Variants in CADM1 observed in about 807,000 individuals in gnomAD.
CADM1 encodes the protein TSLC-1.
A neutral mutation model predicts 53.1 loss-of-function variants in CADM1; 15 were observed. The observed-to-expected ratio is 0.28, with a 90% CI of 0.19 to 0.44. The LOEUF is 0.44. Among genes scored for constraint, CADM1 ranks in the 20% least tolerant of loss-of-function variants. CADM1 has a pLI of 1.00. For missense variants in CADM1, 434 were observed against 611.3 expected (o/e 0.71, Z 3.06); for synonymous variants, 281 against 243.0 (o/e 1.16, Z -1.45).
At chr11:115,201,755 A>G (rs1940439909) in intron 8 of CADM1, among the ~76,000 whole-genome samples, 1 of 152,216 alleles carries the variant, frequency 6.6e-6, no homozygotes, top group African/African-American at 2.4e-5. Flanking sequence ...AAAACAGGTC[A>G]CAAAAAATTG....
At chr11:115,253,505 AATTTAATTGAAT>A (rs1942674885) in intron 1 of CADM1, among the ~76,000 whole-genome samples, 1 of 152,186 alleles carries the variant, frequency 6.6e-6, no homozygotes. Context: ...GCACAGACAA[AATTTAATTGAAT>A]AATAATATTT....
At chr11:115,479,697 G>T (rs1228007353) in intron 1 of CADM1, among the ~76,000 whole-genome samples, 1 of 152,070 alleles carries the variant, frequency 6.6e-6, no homozygotes, top group African/African-American at 2.4e-5. Flanking sequence ...GGAAACAAAG[G>T]GGAAAAATGT....
Position 115,383,677 on chromosome 11 carries a change from T to G in CADM1, c.124+120594A>C, listed in dbSNP as rs150988931. 5.1e-3 allele frequency among the ~76,000 whole-genome samples: 779 copies of G among 152,250 alleles called. 7 individuals are homozygous for G. Among genetic ancestry groups the G allele is most frequent in the African/African-American group, 0.018 (749 of 41,546 alleles). ...TTATCTTTTCCCCCCATGACTTGCT[T>G]AGAAAATATGCACAGTGCAAAAAAG... On this transcript the variant is annotated intron_variant, in intron 1 of 11. Coordinates refer to ENST00000331581, the MANE Select transcript of CADM1 (RefSeq NM_001301043.2).
At chr11:115,424,932 G>A (rs988704337) in intron 1 of CADM1, among the ~76,000 whole-genome samples, 2 of 152,118 alleles carry the variant, frequency 1.3e-5, no homozygotes, top group Non-Finnish European at 2.9e-5. Context: ...TCAGTATATA[G>A]TATAAAATAT....
intron 1 of CADM1, among the ~76,000 whole-genome samples, chr11:115,368,357 C>A (rs1324683436): frequency 6.6e-6 from 1 of 151,976 alleles, no homozygotes; most frequent in Non-Finnish European, 1.5e-5. Context: ...CAACACTTGT[C>A]GTTGTGAGGT....
intron 1 of CADM1, among the ~76,000 whole-genome samples, chr11:115,267,654 C>T (rs1187737639): frequency 1.3e-5 from 2 of 150,632 alleles, no homozygotes; most frequent in African/African-American, 2.4e-5. Context: ...CTGGCTACTA[C>T]ACAAACTAAC....
At chr11:115,325,000 A>C (rs12291625) in intron 1 of CADM1, among the ~76,000 whole-genome samples, 25,617 of 152,158 alleles carry the variant, frequency 0.17, 2,741 homozygotes, top group African/African-American at 0.29. Context: ...AACAGTATGA[A>C]CAGCTTCACT....
intron 1 of CADM1, among the ~76,000 whole-genome samples, chr11:115,322,531 A>G (rs1944850813): frequency 6.6e-6 from 1 of 152,194 alleles, no homozygotes; most frequent in Non-Finnish European, 1.5e-5. Flanking sequence ...TCTTCATCCC[A>G]AAAAGAAACT....
At chr11:115,307,682 G>A (rs778229075) in intron 1 of CADM1, among the ~76,000 whole-genome samples, 1 of 151,802 alleles carries the variant, frequency 6.6e-6, no homozygotes, top group Admixed American at 6.6e-5. Context: ...TATGTAAGGT[G>A]AGACTTTAAA....
chr11:115,219,475 G>A (rs1280964335), intron 5 of CADM1, among the ~76,000 whole-genome samples: 3 of 152,156 alleles, frequency 2.0e-5, no homozygotes, highest in Admixed American at 2.0e-4. Flanking sequence ...TGCTTTCTGA[G>A]AAGCTAAGTC....
At position 115,321,566 on chromosome 11, in the gene CADM1, A is replaced by T. The variant is rs181957669; in HGVS notation, c.125-81146T>A. Among the ~76,000 whole-genome samples the T allele has an allele frequency of 2.0e-5, 3 of 152,300 alleles. No homozygotes were observed. The East Asian group carries it at 5.8e-4, about 29-fold the overall frequency. On this transcript the variant is annotated intron_variant, in intron 1 of 11. Transcript: ENST00000331581. Reference sequence around the variant, plus strand: ...ACTAGGGTAATAAAAATCTTCATATACTTTATTTGCAAATATTGGAAAGTA... The same window carrying T: ...ACTAGGGTAATAAAAATCTTCATATTCTTTATTTGCAAATATTGGAAAGTA...
intron 1 of CADM1, among the ~76,000 whole-genome samples, chr11:115,295,550 A>ATATATATT (rs371584699): frequency 1.2e-3 from 63 of 52,970 alleles, no homozygotes; most frequent in Non-Finnish European, 1.5e-3. Context: ...ATATATATAT[A>ATATATATT]ATATATATGT....
intron 1 of CADM1, among the ~76,000 whole-genome samples, chr11:115,300,147 C>T (rs765712751): frequency 1.3e-5 from 2 of 152,054 alleles, no homozygotes; most frequent in Admixed American, 6.6e-5. Context: ...CAAACACAAA[C>T]ATAGATACAT....
intron 1 of CADM1, among the ~76,000 whole-genome samples, chr11:115,503,687 G>C (rs929774149): frequency 1.1e-4 from 17 of 152,196 alleles, no homozygotes; most frequent in African/African-American, 4.1e-4. Context: ...CGTGCAGTTT[G>C]GGGACAGGGG....
chr11:115,267,399 T>C (rs1429723411), intron 1 of CADM1, among the ~76,000 whole-genome samples: 2 of 152,232 alleles, frequency 1.3e-5, no homozygotes, highest in African/African-American at 4.8e-5. Context: ...AGCAGCCGTA[T>C]TCTCAGACGA....
chr11:115,419,493 C>T (rs1168311389), intron 1 of CADM1, among the ~76,000 whole-genome samples: 1 of 152,176 alleles, frequency 6.6e-6, no homozygotes. Flanking sequence ...CCTTTTGAGT[C>T]TTTAAGTTCA....
At chr11:115,459,921 T>C (rs912918892) in intron 1 of CADM1, among the ~76,000 whole-genome samples, 1 of 152,206 alleles carries the variant, frequency 6.6e-6, no homozygotes, top group Non-Finnish European at 1.5e-5. Flanking sequence ...ACTACTTCTG[T>C]GTGTTTATAT....
chr11:115,210,790 G>A (rs1174014961), intron 7 of CADM1, among the ~76,000 whole-genome samples: 2 of 152,126 alleles, frequency 1.3e-5, no homozygotes, highest in African/African-American at 4.8e-5. Context: ...CTTCCCAAAA[G>A]TTTATAGAAA....
rs190084812 is a variant in CADM1 at position 115,428,925 on chromosome 11, G to C, written c.124+75346C>G. ...ACAGGAAAATATTTTGGACAAGATA[G>C]TTTCAGTAACATCTCACGTTTGAGG... On this transcript the variant is annotated intron_variant, in intron 1 of 11. Transcript: ENST00000331581. 7.7e-4 allele frequency among the ~76,000 whole-genome samples: 118 copies of C among 152,264 alleles called. No homozygotes were observed. The East Asian group carries it at 0.021, about 27-fold the overall frequency.
Sources: gnomAD v4.1 joint callset for allele counts (sites outside exome capture counted in the v4.1 genomes callset) on GRCh38, gnomAD v4.1.1 for gene constraint, MANE v1.5 for transcripts, NCBI Gene and HGNC (gene_info 2026-07-23, HGNC 2026-07-21) for gene names.